NFYA: variants seen among roughly 807,000 people sequenced by gnomAD.
NFYA encodes CAAT-box DNA binding protein subunit A.
Under a neutral mutation model 52.8 loss-of-function variants are expected in NFYA, and 28 were observed. The ratio of observed to expected loss-of-function variants is 0.53; its 90% CI spans 0.39 to 0.73. The LOEUF (loss-of-function observed/expected upper bound fraction) is 0.73. NFYA is among the 30% of genes least tolerant of loss of function. The probability of loss-of-function intolerance (pLI) is 0.00; values close to 1 mark genes in which losing one functional copy is unlikely to be tolerated. For synonymous variants in NFYA, 150 were observed against 150.7 expected, an observed-to-expected ratio of 1.00 and a Z score of 0.03; for missense variants, 234 against 427.0, an observed-to-expected ratio of 0.55 and a Z score of 3.98.
chr6:41,077,491 A>G (rs1462504288), intron 1 of NFYA, among the ~76,000 whole-genome samples: 1 of 152,012 alleles, frequency 6.6e-6, no homozygotes, highest in African/African-American at 2.4e-5. Context: ...ATGGAATCAT[A>G]TATATTCGTT....
chr6:41,083,737 C>T (rs1763969826), intron 3 of NFYA, among the ~76,000 whole-genome samples: 1 of 152,198 alleles, frequency 6.6e-6, no homozygotes, highest in African/African-American at 2.4e-5. Flanking sequence ...ACTAACCTTG[C>T]CATTATGATT....
At chr6:41,073,648 C>G (rs915294744) in intron 1 of NFYA, among the ~76,000 whole-genome samples, 22 of 152,214 alleles carry the variant, frequency 1.4e-4, no homozygotes, top group African/African-American at 5.3e-4. Context: ...AGGGTGCGCG[C>G]CGCGGCCGCG....
chr6:41,097,357 G>A lies in NFYA; in HGVS notation c.991G>A (p.Asp331Asn), dbSNP rs200458300. 2.0e-5 allele frequency: 33 copies of A among 1,613,720 alleles called. No homozygotes were observed. The highest frequency in any genetic ancestry group is 2.6e-5 in the Non-Finnish European group (31 of 1,179,864). ...PKEKDSPHMQ[D>N]PNQADEEAMT... ...ATCATCATGTCATCTTTGTCTCTAG[G>A]ATCCAAACCAAGCCGATGAAGAAGC... The change falls in exon 10 of 10, where the codon GAT becomes AAT. Residue 331 changes from aspartate (D) to asparagine (N), a missense_variant and splice_region_variant. Around this residue, in one of 3 missense-constraint regions of NFYA, gnomAD observed 35 missense variants for 34.2 expected, o/e 1.02. Transcript: ENST00000341376.
rs748570979 is a variant in NFYA, at chr6:41,097,433, G to A, written c.*23G>A. On this transcript the variant is annotated 3_prime_UTR_variant, in exon 10 of 10. Coordinates refer to ENST00000341376, the MANE Select transcript of NFYA (RefSeq NM_002505.5). The stretch of plus-strand genomic sequence containing the variant: ...TAACCCCACGCCATGTGATGGAGCT[G>A]ATCAAGGTCATGTTTCTCACTGTTC... 1.2e-6 allele frequency: 2 copies of A among 1,611,970 alleles called. No individual in the cohort carries two copies. The highest frequency in any genetic ancestry group is 1.1e-5 in the South Asian group (1 of 90,816).
chr6:41,096,295 T>G (rs1561857362), intron 9 of NFYA, among the ~76,000 whole-genome samples: 1 of 152,222 alleles, frequency 6.6e-6, no homozygotes. Context: ...TCACCTGTAG[T>G]GTGAGAGCCC....
At chr6:41,090,391 G>GT in intron 6 of NFYA, 82 bp downstream of exon 6, 1 of 759,942 alleles carries the variant, frequency 1.3e-6, no homozygotes, top group Non-Finnish European at 2.3e-6. Flanking sequence ...TAGAATTTGA[G>GT]TGGTGAACTT....
At chr6:41,075,320 G>A (rs1393598210) in intron 1 of NFYA, 1 of 152,216 alleles carries the variant, frequency 6.6e-6, no homozygotes, top group African/African-American at 2.4e-5. Flanking sequence ...AAAACGTTGG[G>A]ATTACAGGCA....
intron 6 of NFYA, among the ~76,000 whole-genome samples, chr6:41,090,697 GTATACAGC>G: frequency 6.6e-6 from 1 of 152,132 alleles, no homozygotes; most frequent in African/African-American, 2.4e-5. Flanking sequence ...TGACTATTAT[GTATACAGC>G]ACTTTTACTA....
chr6:41,080,774 C>G (rs776719481), intron 2 of NFYA, 37 bp from the exon 3 acceptor site: 2 of 1,554,060 alleles, frequency 1.3e-6, no homozygotes, highest in African/African-American at 1.4e-5. Context: ...CATTTCCTTC[C>G]TGACATATTT....
intron 8 of NFYA, 24 bp from the exon 9 acceptor site, chr6:41,094,372 A>G: frequency 6.2e-7 from 1 of 1,601,066 alleles, no homozygotes; most frequent in Non-Finnish European, 8.6e-7. Flanking sequence ...ATTAATAGTT[A>G]AATGGTTTTA....
At position 41,100,409 on chromosome 6, in the gene NFYA, C is replaced by T. The variant is rs552594666; in HGVS notation, c.*2999C>T. Among the ~76,000 whole-genome samples, 5 of 152,326 alleles carry T rather than the reference C, an allele frequency of 3.3e-5. No homozygotes were observed. The highest frequency in any genetic ancestry group is 1.2e-4 in the African/African-American group (5 of 41,582). ...TTGTTAAAAATCCACAGCATGCTCA[C>T]CTTGTTACTGTTTTACCTTACGGTC... On this transcript the variant is annotated 3_prime_UTR_variant, in exon 10 of 10. Coordinates refer to ENST00000341376, the MANE Select transcript of NFYA (RefSeq NM_002505.5).
chr6:41,093,943 C>T (rs977872623), intron 8 of NFYA, among the ~76,000 whole-genome samples: 1 of 152,066 alleles, frequency 6.6e-6, no homozygotes, highest in African/African-American at 2.4e-5. Flanking sequence ...TCACATGAGC[C>T]GAGGAATTCA....
intron 3 of NFYA, 107 bp from the exon 4 acceptor site, chr6:41,083,939 C>G: frequency 9.0e-7 from 1 of 1,106,970 alleles, no homozygotes; most frequent in South Asian, 1.9e-5. Context: ...TCTTTTCTAC[C>G]TTTTCCTTTT....
At chr6:41,091,788 T>G in intron 7 of NFYA, 94 bp downstream of exon 7, 2 of 1,410,028 alleles carry the variant, frequency 1.4e-6, no homozygotes, top group Non-Finnish European at 1.9e-6. Flanking sequence ...CTCTTGGGAT[T>G]GAGATCGATC....
In NFYA at chr6:41,079,180, T is replaced by A. The variant is rs182537082; in HGVS notation, c.75+16T>A. The A allele has an allele frequency of 1.1e-4, 176 of 1,613,152 alleles. No homozygotes were observed. The highest frequency in any genetic ancestry group is 1.1e-4 in the Non-Finnish European group (128 of 1,179,106). On this transcript the variant is annotated intron_variant, in intron 2 of 9. Transcript: ENST00000341376. Reference sequence around the variant, plus strand: ...TCAGCAGCAGGTATGGAAGCAAAACTGCTTTAAACATTACAGCAATGAAAC... The same window carrying A: ...TCAGCAGCAGGTATGGAAGCAAAACAGCTTTAAACATTACAGCAATGAAAC...
intron 2 of NFYA, 47 bp from the exon 3 acceptor site, chr6:41,080,764 C>T (rs1436612766): frequency 1.3e-6 from 2 of 1,500,054 alleles, no homozygotes; most frequent in African/African-American, 1.4e-5. Flanking sequence ...TTGAACTACA[C>T]ATTTCCTTCC....
intron 4 of NFYA, among the ~76,000 whole-genome samples, chr6:41,088,655 G>A (rs781383426): frequency 1.3e-5 from 2 of 151,702 alleles, no homozygotes; most frequent in Non-Finnish European, 2.9e-5. Flanking sequence ...GCGGATCTTG[G>A]CTCACTGCAA....
Position 41,084,135 on chromosome 6 carries a change from T to C in NFYA, c.252T>C (p.Gly84=). 6.2e-7 allele frequency: 1 copy of C among 1,614,172 alleles called. No homozygotes were observed. The change falls in exon 4 of 10, where the codon GGT becomes GGC. Residue 84 remains glycine, a synonymous_variant. Transcript: ENST00000341376. ...CCATCATGGTCCAGGCTGTCCCTGG[T>C]GGACAAGGTCAAACCATCATGCAAG... The part of the protein sequence containing the change: ...GQPIMVQAVP[G]GQGQTIMQVP...
chr6:41,074,752 G>C (rs1763686076), intron 1 of NFYA, among the ~76,000 whole-genome samples: 1 of 152,222 alleles, frequency 6.6e-6, no homozygotes, highest in African/African-American at 2.4e-5. Flanking sequence ...GGTTCAAGTA[G>C]AAGGGATCTA....
Sources: gnomAD v4.1 joint callset for allele counts (sites outside exome capture counted in the v4.1 genomes callset) on GRCh38, gnomAD v4.1.1 for gene constraint, gnomAD v4.1.1 regional missense constraint, MANE v1.5 for transcripts, NCBI Gene and HGNC (gene_info 2026-07-23, HGNC 2026-07-21) for gene names.